Variants in BTD observed in about 807,000 individuals in gnomAD.
BTD encodes biocytinase.
BTD carries 13 observed loss-of-function variants against 17.7 expected under a neutral mutation model. The observed-to-expected ratio is 0.74, with a 90% confidence interval of 0.48 to 1.17. The LOEUF is 1.17. Among genes scored for constraint, BTD ranks in the 50% most tolerant of loss-of-function variants. The pLI, the probability that BTD is intolerant of heterozygous loss-of-function variation, is 0.00. For synonymous variants in BTD, 240 were observed against 245.2 expected (o/e 0.98, Z 0.20); for missense variants, 674 against 650.4 (o/e 1.04, Z -0.39).
chr3:15,712,553 C>T (rs1436824058), exon 4 of BTD, among the ~76,000 whole-genome samples: 2 of 152,204 alleles, frequency 1.3e-5, no homozygotes, highest in Non-Finnish European at 2.9e-5. Context: ...TTAACACCTT[C>T]CTCCCCAAAT....
At chr3:15,644,011 T>TG (rs1487601387) in intron 3 of BTD, among the ~76,000 whole-genome samples, 1 of 141,838 alleles carries the variant, frequency 7.1e-6, no homozygotes, top group East Asian at 2.0e-4. Context: ...TATTTATTTA[T>TG]TTATTTTGAG....
chr3:15,706,540 C>T (rs1281934838), intron 3 of BTD, among the ~76,000 whole-genome samples: 6 of 152,118 alleles, frequency 3.9e-5, no homozygotes, highest in African/African-American at 1.2e-4. Flanking sequence ...AATAGTGTCA[C>T]AATAAACATA....
At chr3:15,696,837 T>A (rs897547993) in intron 3 of BTD, among the ~76,000 whole-genome samples, 4 of 152,074 alleles carry the variant, frequency 2.6e-5, no homozygotes, top group African/African-American at 9.7e-5. Flanking sequence ...AAAATAATTT[T>A]AAAAAACACT....
intron 1 of BTD, among the ~76,000 whole-genome samples, chr3:15,631,193 A>C (rs2065195789): frequency 6.6e-6 from 1 of 152,212 alleles, no homozygotes; most frequent in African/African-American, 2.4e-5. Context: ...GCCGGTTCCT[A>C]ATGACTTAGC....
chr3:15,714,425 TTAATA>T (rs1377948095), downstream of BTD, among the ~76,000 whole-genome samples: 4 of 151,674 alleles, frequency 2.6e-5, no homozygotes, highest in Non-Finnish European at 2.9e-5. Flanking sequence ...TTTATACTCT[TTAATA>T]TTTTATTTTC....
Position 15,645,195 on chromosome 3 carries a change from C to T in BTD, c.1279C>T (p.His427Tyr), listed in dbSNP as rs397514418. 2.5e-6 allele frequency: 4 copies of T among 1,614,194 alleles called. No individual in the cohort carries two copies. Among genetic ancestry groups the T allele is most frequent in the South Asian group, 2.2e-5 (2 of 91,084 alleles). The change falls in exon 4 of 4, where the codon CAC becomes TAC. Residue 427 changes from histidine to tyrosine, a missense_variant. His to Tyr is a moderately conservative substitution (Grantham distance 83). Transcript: ENST00000643237. ...LYALGVFDGL[H>Y]TVHGTYYIQV... ...TGCCCTGGGGGTCTTTGATGGGCTT[C>T]ACACAGTACATGGCACTTACTACAT...
intron 1 of BTD, among the ~76,000 whole-genome samples, chr3:15,602,926 A>G (rs1172541664): frequency 6.6e-6 from 1 of 152,208 alleles, no homozygotes; most frequent in African/African-American, 2.4e-5. Context: ...CACAGTTCCA[A>G]ATGGCTACGG....
At chr3:15,606,236 T>TA (rs1414235065) in intron 1 of BTD, among the ~76,000 whole-genome samples, 1 of 152,094 alleles carries the variant, frequency 6.6e-6, no homozygotes, top group African/African-American at 2.4e-5. Context: ...TCCAAATAGT[T>TA]ACTTGGGCCC....
chr3:15,712,327 C>A, exon 4 of BTD: 1 of 881,552 alleles, frequency 1.1e-6, no homozygotes, highest in Non-Finnish European at 1.8e-6. Context: ...AACTAAGAGC[C>A]AAAATGTCTA....
intron 3 of BTD, among the ~76,000 whole-genome samples, chr3:15,642,898 C>A (rs1575025856): frequency 6.6e-6 from 1 of 151,500 alleles, no homozygotes; most frequent in East Asian, 1.9e-4. Flanking sequence ...TGTGGTGGCT[C>A]ACACCTGTAA....
intron 1 of BTD, among the ~76,000 whole-genome samples, chr3:15,604,783 T>C (rs986848614): frequency 6.6e-6 from 1 of 152,228 alleles, no homozygotes; most frequent in Non-Finnish European, 1.5e-5. Context: ...ATGCCACTAG[T>C]CTCTTTGCAT....
chr3:15,640,469 C>G (rs1307498022), intron 2 of BTD, among the ~76,000 whole-genome samples: 1 of 151,898 alleles, frequency 6.6e-6, no homozygotes, highest in Admixed American at 6.6e-5. Context: ...CAGCTCACCG[C>G]AACCTCTGCC....
chr3:15,706,248 A>G (rs1028079988), intron 3 of BTD, among the ~76,000 whole-genome samples: 1 of 147,498 alleles, frequency 6.8e-6, no homozygotes, highest in African/African-American at 2.5e-5. Context: ...CCTCCTCCCC[A>G]CCCCATGACA....
intron 3 of BTD, among the ~76,000 whole-genome samples, chr3:15,688,187 A>G (rs1423765083): frequency 6.6e-6 from 1 of 152,238 alleles, no homozygotes; most frequent in African/African-American, 2.4e-5. Context: ...TGCAAGCTTT[A>G]AATTAGTTCT....
intron 3 of BTD, chr3:15,697,492 A>G (rs2125908300): frequency 6.6e-6 from 1 of 152,228 alleles, no homozygotes; most frequent in Admixed American, 6.5e-5. Context: ...CAATAAAAAT[A>G]AATTTAATCA....
intron 3 of BTD, chr3:15,679,211 C>T (rs2125685091): frequency 8.1e-7 from 1 of 1,241,548 alleles, no homozygotes; most frequent in East Asian, 2.3e-5. Context: ...TTCAAGTCAT[C>T]CTCCCACTTC....
At chr3:15,712,848 A>G (rs2072499527), downstream of BTD, among the ~76,000 whole-genome samples, 1 of 152,256 alleles carries the variant, frequency 6.6e-6, no homozygotes, top group Non-Finnish European at 1.5e-5. Context: ...TAATAAGCTC[A>G]TGTAATTTTT....
At chr3:15,615,856 T>C (rs1559580749) in intron 1 of BTD, among the ~76,000 whole-genome samples, 1 of 152,248 alleles carries the variant, frequency 6.6e-6, no homozygotes, top group African/African-American at 2.4e-5. Flanking sequence ...TCTGCAATTT[T>C]GCTTTTTCCA....
At chr3:15,695,053 CATG>C in intron 3 of BTD, 1 of 797,186 alleles carries the variant, frequency 1.3e-6, no homozygotes, top group East Asian at 2.7e-5. Flanking sequence ...CCTCTGTACA[CATG>C]ATTTCTGTCA....
Sources: gnomAD v4.1 joint callset for allele counts (sites outside exome capture counted in the v4.1 genomes callset) on GRCh38, gnomAD v4.1.1 for gene constraint, MANE v1.5 for transcripts, NCBI Gene and HGNC (gene_info 2026-07-23, HGNC 2026-07-21) for gene names.